The following FER1L6 variants were observed in gnomAD, a reference collection of about 807,000 sequenced individuals.
The protein encoded by FER1L6 is fer-1-like protein 6.
FER1L6 carries 177 observed loss-of-function variants against 219.2 expected under a neutral mutation model. That is an observed-to-expected ratio of 0.81 (90% CI 0.71 to 0.91). The LOEUF (loss-of-function observed/expected upper bound fraction) is 0.91, where lower values mean the gene tolerates loss of function less well. FER1L6 is among the 40% of genes least tolerant of loss of function. The probability of loss-of-function intolerance (pLI) is 0.00; values close to 1 mark genes in which losing one functional copy is unlikely to be tolerated. For missense variants in FER1L6, 2,153 were observed against 2,259.9 expected, an observed-to-expected ratio of 0.95 and a Z score of 0.96; for synonymous variants, 768 against 824.3, an observed-to-expected ratio of 0.93 and a Z score of 1.17.
At chr8:124,064,201 A>G (rs6991629) in intron 25 of FER1L6, 146 bp from the exon 26 acceptor site, 614,810 of 736,574 alleles carry the variant, frequency 0.83, 257,790 homozygotes, top group Non-Finnish European at 0.86. Flanking sequence ...TTTTACTGTC[A>G]TTTTATACAT....
In FER1L6 at chr8:124,030,945, C is replaced by T. The variant is rs141383128; in HGVS notation, c.2287-4332C>T. Reference sequence around the variant, plus strand: ...GGAGGTGGGGAAGGCACAGGGGAGACTGAGCCTTTAGTATTCTGTCTCATG... The same window carrying T: ...GGAGGTGGGGAAGGCACAGGGGAGATTGAGCCTTTAGTATTCTGTCTCATG... On this transcript the variant is annotated intron_variant, in intron 18 of 40. Transcript: ENST00000522917. Among the ~76,000 whole-genome samples, 214 of 152,282 alleles carry T rather than the reference C, an allele frequency of 1.4e-3. 2 individuals are homozygous for T. The highest frequency in any genetic ancestry group is 4.9e-3 in the African/African-American group (203 of 41,560).
intron 33 of FER1L6, among the ~76,000 whole-genome samples, chr8:124,084,311 GA>G (rs1285742376): frequency 1.3e-5 from 2 of 152,024 alleles, no homozygotes; most frequent in African/African-American, 4.8e-5. Flanking sequence ...TAACAGTGGT[GA>G]AAGTGGGCAT....
chr8:123,881,317 G>A (rs1817105512), intron 1 of FER1L6, among the ~76,000 whole-genome samples: 1 of 152,106 alleles, frequency 6.6e-6, no homozygotes, highest in Admixed American at 6.6e-5. Flanking sequence ...AGAATGGTGG[G>A]GTGCTAGGGA....
At chr8:123,929,370 G>A (rs1028346025) in intron 1 of FER1L6, among the ~76,000 whole-genome samples, 1 of 152,106 alleles carries the variant, frequency 6.6e-6, no homozygotes, top group Admixed American at 6.5e-5. Context: ...AAATTGGAGA[G>A]GTTCAATAAT....
chr8:123,975,874 C>T (rs1300075081), intron 8 of FER1L6, 24 bp from the exon 9 acceptor site: 4 of 1,510,602 alleles, frequency 2.6e-6, no homozygotes, highest in African/African-American at 2.8e-5. Context: ...AGAGCTTTTT[C>T]ATTTGTTTTT....
rs140645721 is a variant in FER1L6 at position 124,110,895 on chromosome 8, C to T, written c.5289+7586C>T. Among the ~76,000 whole-genome samples, 105 of 152,208 alleles carry T rather than the reference C, an allele frequency of 6.9e-4. No individual in the cohort carries two copies. In the East Asian group the frequency reaches 0.01, roughly 15 times the overall value. Reference sequence around the variant, plus strand: ...AGCTGTTATCAGTGCCCCCCCTCCCCTCCAGCAGTGTCGTTTAATCAGTCT... The same window carrying T: ...AGCTGTTATCAGTGCCCCCCCTCCCTTCCAGCAGTGTCGTTTAATCAGTCT... On this transcript the variant is annotated intron_variant, in intron 39 of 40. Coordinates refer to ENST00000522917, the MANE Select transcript of FER1L6 (RefSeq NM_001039112.2).
At chr8:123,902,076 TG>T (rs1391498988) in intron 1 of FER1L6, among the ~76,000 whole-genome samples, 1 of 152,184 alleles carries the variant, frequency 6.6e-6, no homozygotes, top group African/African-American at 2.4e-5. Context: ...AGTGCTCATT[TG>T]GGGGCAGATT....
At chr8:123,990,891 T>C (rs549833007) in intron 12 of FER1L6, among the ~76,000 whole-genome samples, 1 of 152,296 alleles carries the variant, frequency 6.6e-6, no homozygotes, top group South Asian at 2.1e-4. Flanking sequence ...AGTTGATTTT[T>C]GTATACGATA....
chr8:124,075,446 T>C (rs1321172106), intron 31 of FER1L6, among the ~76,000 whole-genome samples: 1 of 152,198 alleles, frequency 6.6e-6, no homozygotes, highest in African/African-American at 2.4e-5. Flanking sequence ...CTAACACGCA[T>C]GGAGCTGTCA....
chr8:123,880,231 C>T (rs1172670232), intron 1 of FER1L6, among the ~76,000 whole-genome samples: 1 of 152,152 alleles, frequency 6.6e-6, no homozygotes, highest in Non-Finnish European at 1.5e-5. Context: ...AACTGATCAA[C>T]TGATTGACCA....
chr8:123,942,328 C>G (rs1246874850), intron 1 of FER1L6, among the ~76,000 whole-genome samples: 1 of 152,198 alleles, frequency 6.6e-6, no homozygotes, highest in Non-Finnish European at 1.5e-5. Flanking sequence ...GTCCCAGCAC[C>G]ATACCTAAAA....
At position 124,091,451 on chromosome 8, in the gene FER1L6, T is replaced by C; in HGVS notation, c.4420T>C (p.Ser1474Pro). Residue 1474 changes from serine (S) to proline (P), a missense_variant, in exon 34 of 41, where the codon TCC (serine) becomes CCC (proline). By Grantham distance (74) the Ser-to-Pro change is moderately conservative. Coordinates refer to ENST00000522917, the MANE Select transcript of FER1L6 (RefSeq NM_001039112.2). ...AGGATACAATGCCTGGAGAGACACG[T>C]CCAAACCCACCGAAATCCTCACTAA... ...IEGYNAWRDT[S>P]KPTEILTKLC... is the part of the protein sequence containing the mutation. 1 of 1,612,758 alleles carries C rather than the reference T, an allele frequency of 6.2e-7. No homozygotes were observed.
At position 123,993,936 on chromosome 8, in the gene FER1L6, T is replaced by C. The variant is rs1434869887; in HGVS notation, c.1519+7760T>C. ...GCCTTAGTGTGTTGGCTTTCTCAAA[T>C]GCCGGTTGTAGTAGTAATGAGCTGA... is the stretch of plus-strand genomic sequence containing the variant. On this transcript the variant is annotated intron_variant, in intron 12 of 40. Transcript: ENST00000522917. Among the ~76,000 whole-genome samples, 3 of 152,228 alleles carry C rather than the reference T, an allele frequency of 2.0e-5. No homozygotes were observed. The East Asian group carries it at 5.8e-4, about 29-fold the overall frequency.
chr8:124,036,057 C>G (rs1042406800), intron 19 of FER1L6: 1 of 152,196 alleles, frequency 6.6e-6, no homozygotes, highest in Non-Finnish European at 1.5e-5. Flanking sequence ...ATTCCTTACA[C>G]TTGCATTTTG....
At chr8:124,094,745 C>T in intron 34 of FER1L6, 151 bp from the exon 35 acceptor site, 1 of 857,844 alleles carries the variant, frequency 1.2e-6, no homozygotes, top group Non-Finnish European at 1.8e-6. Flanking sequence ...CCTTGGCCTC[C>T]CAAAGTGCTG....
At chr8:123,867,303 G>A (rs1188282876) in intron 1 of FER1L6, among the ~76,000 whole-genome samples, 1 of 152,158 alleles carries the variant, frequency 6.6e-6, no homozygotes, top group East Asian at 1.9e-4. Flanking sequence ...CCTGGCTAGG[G>A]ACAATGTGGT....
intron 1 of FER1L6, among the ~76,000 whole-genome samples, chr8:123,878,428 C>A (rs1254558147): frequency 3.9e-5 from 6 of 152,084 alleles, no homozygotes; most frequent in Non-Finnish European, 7.3e-5. Flanking sequence ...TCATTGTGGC[C>A]CAAGCTTCTG....
chr8:123,905,235 T>C (rs1009294130), intron 1 of FER1L6, among the ~76,000 whole-genome samples: 4 of 152,022 alleles, frequency 2.6e-5, no homozygotes, highest in African/African-American at 7.2e-5. Flanking sequence ...ATACTCTCCC[T>C]CCCCCCAACA....
chr8:123,856,318 A>ATATG (rs1554608015), intron 1 of FER1L6, among the ~76,000 whole-genome samples: 2 of 64,002 alleles, frequency 3.1e-5, no homozygotes, highest in East Asian at 3.4e-4. Flanking sequence ...ATGTATGTGT[A>ATATG]TATATATATA....
Sources: allele counts gnomAD v4.1 joint callset (sites outside exome capture counted in the v4.1 genomes callset), GRCh38; gene constraint gnomAD v4.1.1; transcripts MANE v1.5; gene names NCBI Gene and HGNC (gene_info 2026-07-23, HGNC 2026-07-21).